The following KLHL22 variants were observed in gnomAD, a reference collection of about 807,000 sequenced individuals.
KLHL22 encodes kelch-like protein 22.
A neutral mutation model predicts 60.7 loss-of-function variants in KLHL22; 18 were observed. That is an observed-to-expected ratio of 0.30 (90% CI 0.20 to 0.44). The LOEUF (loss-of-function observed/expected upper bound fraction) is 0.44. Ranked by LOEUF, KLHL22 falls within the 20% of genes least tolerant of loss-of-function variation. KLHL22 has a pLI of 1.00. For missense variants in KLHL22, 596 were observed against 852.3 expected (o/e 0.70, Z 3.74); for synonymous variants, 355 against 354.5 (o/e 1.00, Z -0.01).
intron 3 of KLHL22, among the ~76,000 whole-genome samples, chr22:20,466,234 C>T (rs1393735652): frequency 6.6e-6 from 1 of 151,762 alleles, no homozygotes; most frequent in East Asian, 1.9e-4. Context: ...ATTAGCTGGG[C>T]GTGGTGGCGC....
intron 4 of KLHL22, among the ~76,000 whole-genome samples, chr22:20,463,225 C>G (rs1046542440): frequency 5.9e-5 from 9 of 152,176 alleles, no homozygotes; most frequent in Non-Finnish European, 1.3e-4. Flanking sequence ...CTTGCCGACC[C>G]CACTTGCCAT....
At chr22:20,480,090 A>C (rs1429040293) in intron 2 of KLHL22, among the ~76,000 whole-genome samples, 1 of 152,212 alleles carries the variant, frequency 6.6e-6, no homozygotes, top group Non-Finnish European at 1.5e-5. Flanking sequence ...CAAATGAAAT[A>C]AGCAAGTGAT....
intron 3 of KLHL22, among the ~76,000 whole-genome samples, chr22:20,468,306 T>C (rs1235966002): frequency 6.6e-6 from 1 of 152,254 alleles, no homozygotes; most frequent in Admixed American, 6.5e-5. Flanking sequence ...AGCAGCTCCT[T>C]GAGAGGACCC....
chr22:20,490,577 T>C (rs1439021150), intron 1 of KLHL22, among the ~76,000 whole-genome samples: 3 of 152,238 alleles, frequency 2.0e-5, no homozygotes, highest in Non-Finnish European at 4.4e-5. Context: ...TGTCTTCTAA[T>C]TCAGCAGTCC....
In KLHL22 at chr22:20,465,629, G is replaced by A; in HGVS notation, c.394-53C>T. 1 of 896,218 alleles carries A rather than the reference G, an allele frequency of 1.1e-6. No homozygotes were observed. The highest frequency in any genetic ancestry group is 1.9e-6 in the Non-Finnish European group (1 of 526,192). 55.5% of individuals were successfully genotyped at this position (896,218 alleles called of 1,614,324 possible). ...CCTGGGCTGGTGAACAGCATCTGGG[G>A]GTGGGAGAGAGAATGATGGCAGAAA... On this transcript the variant is annotated intron_variant, in intron 3 of 6. Coordinates refer to ENST00000328879, the MANE Select transcript of KLHL22 (RefSeq NM_032775.4). This position sits in a 1 kb window ranked among gnomAD's most constrained non-coding sequence, Gnocchi z 4.9.
intron 1 of KLHL22, among the ~76,000 whole-genome samples, chr22:20,490,637 C>T (rs2053670973): frequency 6.6e-6 from 1 of 152,152 alleles, no homozygotes; most frequent in African/African-American, 2.4e-5. Context: ...AATTTTTCCA[C>T]GGGGTCGGGG....
chr22:20,468,436 G>A (rs2053266323), intron 3 of KLHL22, among the ~76,000 whole-genome samples: 1 of 152,168 alleles, frequency 6.6e-6, no homozygotes, highest in African/African-American at 2.4e-5. Flanking sequence ...TCACAGAAGG[G>A]ACTGCATTTG....
chr22:20,464,835 G>T (rs948859260), intron 4 of KLHL22, 23 bp downstream of exon 4: 4 of 1,416,222 alleles, frequency 2.8e-6, no homozygotes, highest in South Asian at 1.4e-5. Context: ...AAGACAAAGG[G>T]ACCAGCTAGC....
At chr22:20,443,260 T>C (rs1390168114) in intron 6 of KLHL22, among the ~76,000 whole-genome samples, 1 of 152,082 alleles carries the variant, frequency 6.6e-6, no homozygotes, top group Non-Finnish European at 1.5e-5. Context: ...GGCAGAATAG[T>C]GGCCCCCAAA....
intron 6 of KLHL22, among the ~76,000 whole-genome samples, chr22:20,443,762 G>C (rs941050791): frequency 6.6e-6 from 1 of 151,562 alleles, no homozygotes; most frequent in African/African-American, 2.4e-5. Context: ...AAAGTGGAAG[G>C]GGAGGCCGGG....
chr22:20,447,523 T>G (rs1408478461), intron 5 of KLHL22, among the ~76,000 whole-genome samples: 2 of 149,652 alleles, frequency 1.3e-5, no homozygotes, highest in African/African-American at 4.9e-5. Context: ...CTATCACCAG[T>G]AGGGGTCTGG....
chr22:20,471,673 TG>T (rs2053329598), intron 2 of KLHL22, among the ~76,000 whole-genome samples, 158 bp from the exon 3 acceptor site: 1 of 152,138 alleles, frequency 6.6e-6, no homozygotes, highest in Non-Finnish European at 1.5e-5. Flanking sequence ...TGTGCATGCA[TG>T]AGCCATCCCA....
chr22:20,444,138 T>C (rs1429910473), intron 6 of KLHL22, among the ~76,000 whole-genome samples: 1 of 151,786 alleles, frequency 6.6e-6, no homozygotes, highest in African/African-American at 2.4e-5. Context: ...ATTGCTGGCT[T>C]TGAAGACGAA....
intron 2 of KLHL22, among the ~76,000 whole-genome samples, chr22:20,484,838 G>C (rs2053560953): frequency 6.6e-6 from 1 of 151,136 alleles, no homozygotes; most frequent in South Asian, 2.1e-4. Context: ...TCAAGCTCAA[G>C]CTATCCTCCC....
chr22:20,451,575 C>G, intron 5 of KLHL22: 2 of 1,596,610 alleles, frequency 1.3e-6, no homozygotes, highest in Non-Finnish European at 1.7e-6. Flanking sequence ...GTACAGCCCA[C>G]CTTTCTTCCG....
In KLHL22 at chr22:20,442,053, T is replaced by G. The variant is rs2052766695; in HGVS notation, c.*20A>C. ...CTGCAGCCCCAGCCTCCCTTCCCTC[T>G]GATGCCAGGCACAGGGAGCCTAGTC... On this transcript the variant is annotated 3_prime_UTR_variant, in exon 7 of 7. Coordinates refer to ENST00000328879, the MANE Select transcript of KLHL22 (RefSeq NM_032775.4). 1 of 1,492,174 alleles carries G rather than the reference T, an allele frequency of 6.7e-7. No homozygotes were observed. The highest frequency in any genetic ancestry group is 1.4e-5 in the African/African-American group (1 of 70,764). 92.4% of individuals were successfully genotyped at this position (1,492,174 alleles called of 1,614,324 possible). A position where few individuals can be genotyped will look rare whatever the true frequency, so the allele number is the denominator to read the frequency against.
chr22:20,489,985 G>A (rs2053657092), intron 1 of KLHL22: 3 of 356,944 alleles, frequency 8.4e-6, no homozygotes, highest in Non-Finnish European at 1.7e-5. Flanking sequence ...AAACTGATTT[G>A]AATTGGAGCC....
intron 3 of KLHL22, among the ~76,000 whole-genome samples, chr22:20,467,866 G>C (rs2053259609): frequency 6.6e-6 from 1 of 152,144 alleles, no homozygotes; most frequent in Admixed American, 6.5e-5. Context: ...CATCGTGTTA[G>C]CCAGGATGGT....
chr22:20,487,219 CTCT>C (rs1183672449), intron 2 of KLHL22, among the ~76,000 whole-genome samples: 1 of 151,704 alleles, frequency 6.6e-6, no homozygotes, highest in African/African-American at 2.4e-5. Context: ...TACATCCAGC[CTCT>C]TTTTTGTTTT....
Sources: gnomAD v4.1 joint callset for allele counts (sites outside exome capture counted in the v4.1 genomes callset) on GRCh38, gnomAD v4.1.1 for gene constraint, Gnocchi (gnomAD v3.1) non-coding constraint, MANE v1.5 for transcripts, NCBI Gene and HGNC (gene_info 2026-07-23, HGNC 2026-07-21) for gene names.